Variants in PCDHA10 observed in about 807,000 individuals in gnomAD.
PCDHA10 encodes protocadherin alpha 10, also known as protocadherin alpha-10.
PCDHA10 carries 45 observed loss-of-function variants against 61.2 expected under a neutral mutation model. That is an observed-to-expected ratio of 0.74 (90% CI 0.58 to 0.94). The LOEUF is 0.94. Ranked by LOEUF, PCDHA10 falls within the 40% of genes least tolerant of loss-of-function variation. PCDHA10 has a pLI of 0.00. For missense variants in PCDHA10, 1,278 were observed against 1,236.2 expected, an observed-to-expected ratio of 1.03 and a Z score of -0.51; for synonymous variants, 602 against 548.8, an observed-to-expected ratio of 1.10 and a Z score of -1.35.
At chr5:140,917,334 G>GGGGGGGGGGGGGGT in intron 1 of PCDHA10, among the ~76,000 whole-genome samples, 1 of 147,630 alleles carries the variant, frequency 6.8e-6, no homozygotes, top group Non-Finnish European at 1.5e-5. Flanking sequence ...CGGGGGAGGG[G>GGGGGGGGGGGGGGT]GGGGATGGTG....
At chr5:140,921,621 A>G (rs1274986378) in intron 1 of PCDHA10, among the ~76,000 whole-genome samples, 1 of 152,222 alleles carries the variant, frequency 6.6e-6, no homozygotes, top group African/African-American at 2.4e-5. Context: ...ATATCATCAG[A>G]TCATCATTAT....
chr5:140,871,698 C>A, intron 1 of PCDHA10: 2 of 905,580 alleles, frequency 2.2e-6, no homozygotes, highest in Non-Finnish European at 3.2e-6. Context: ...GCTTCTTTAA[C>A]CAATAAATGT....
At chr5:140,900,079 C>T (rs1289822790) in intron 1 of PCDHA10, among the ~76,000 whole-genome samples, 11 of 152,066 alleles carry the variant, frequency 7.2e-5, no homozygotes, top group East Asian at 3.9e-4. Context: ...AAAAGTGCTG[C>T]AGTTACAAGC....
In PCDHA10 at chr5:141,009,929, G is replaced by A; in HGVS notation, c.2839G>A (p.Asp947Asn). The A allele has an allele frequency of 1.2e-6, 2 of 1,603,732 alleles. No individual in the cohort carries two copies. Among genetic ancestry groups the A allele is most frequent in the Non-Finnish European group, 1.7e-6 (2 of 1,176,576 alleles). Residue 947 changes from aspartate to asparagine, a missense_variant, in exon 4 of 4, where the codon GAC (aspartate) becomes AAC (asparagine). Transcript: ENST00000307360. ...AGGGAACAGCACGACTGACAACAGT[G>A]ACCAGTGAGGTCCTCAAATGGAAAC... is the stretch of plus-strand genomic sequence containing the variant. ...EKGNSTTDNSDQ is the reference protein window; with the variant it reads ...EKGNSTTDNSNQ
intron 2 of PCDHA10, among the ~76,000 whole-genome samples, chr5:140,979,231 C>T (rs1203154373): frequency 6.6e-6 from 1 of 152,186 alleles, no homozygotes; most frequent in Non-Finnish European, 1.5e-5. Context: ...TCTGTAAAAT[C>T]ACAGAAACAG....
intron 1 of PCDHA10, among the ~76,000 whole-genome samples, chr5:140,921,179 G>A (rs1346400425): frequency 1.3e-5 from 2 of 151,662 alleles, no homozygotes; most frequent in Non-Finnish European, 2.9e-5. Context: ...ATAAAGCACA[G>A]TTTTTTCACA....
chr5:140,877,326 G>T (rs781931363), intron 1 of PCDHA10: 1 of 1,613,964 alleles, frequency 6.2e-7, no homozygotes, highest in East Asian at 2.2e-5. Flanking sequence ...CGGTCGGCGC[G>T]CACATCCCGT....
chr5:140,894,987 T>A lies in PCDHA10; in HGVS notation c.2388+36551T>A, dbSNP rs564159529. On this transcript the variant is annotated intron_variant, in intron 1 of 3. Transcript: ENST00000307360. ...TTTTTTAATGTCTTACTTTGTGACA[T>A]CCTTTACCCTTTTTACTTGGACCTT... 3.3e-5 allele frequency among the ~76,000 whole-genome samples: 5 copies of A among 152,318 alleles called. No individual in the cohort carries two copies. In the East Asian group the frequency reaches 9.6e-4, roughly 29 times the overall value.
intron 1 of PCDHA10, chr5:140,882,970 C>A (rs111935814): frequency 1.2e-6 from 2 of 1,614,130 alleles, no homozygotes; most frequent in African/African-American, 1.3e-5. Flanking sequence ...CGATTCTGGA[C>A]GTGAATGACA....
At chr5:140,958,510 G>A (rs1476919397) in intron 1 of PCDHA10, among the ~76,000 whole-genome samples, 1 of 152,114 alleles carries the variant, frequency 6.6e-6, no homozygotes, top group Non-Finnish European at 1.5e-5. Flanking sequence ...AGGCATGGCT[G>A]TCCAATATAT....
chr5:140,882,199 G>A, intron 1 of PCDHA10: 1 of 1,526,968 alleles, frequency 6.5e-7, no homozygotes, highest in Non-Finnish European at 8.8e-7. Context: ...TAAAAATTGG[G>A]CCTTGAGAGA....
At chr5:140,976,594 T>C (rs2096724606) in intron 1 of PCDHA10, among the ~76,000 whole-genome samples, 1 of 152,146 alleles carries the variant, frequency 6.6e-6, no homozygotes, top group Non-Finnish European at 1.5e-5. Flanking sequence ...ACTTTTGTGT[T>C]AAGGGGACCT....
intron 3 of PCDHA10, among the ~76,000 whole-genome samples, chr5:140,989,748 G>A (rs868949345): frequency 1.3e-4 from 20 of 152,192 alleles, no homozygotes; most frequent in African/African-American, 4.8e-4. Context: ...GCCTAATCTG[G>A]AGAAACATAT....
chr5:140,886,945 A>T (rs2061235497), intron 1 of PCDHA10, among the ~76,000 whole-genome samples: 1 of 152,148 alleles, frequency 6.6e-6, no homozygotes, highest in Admixed American at 6.5e-5. Flanking sequence ...TGTTCTACAC[A>T]TTAGACATTT....
In PCDHA10 at chr5:141,010,806, C is replaced by T. The variant is rs1404036886; in HGVS notation, c.*869C>T. ...GCAAAAGCAAAAGAAAACCCCGACA[C>T]CTCACCTTTCGCTGTTTGTTGTTTC... On this transcript the variant is annotated 3_prime_UTR_variant, in exon 4 of 4. Transcript: ENST00000307360. 2 of 153,736 alleles carry T rather than the reference C, an allele frequency of 1.3e-5. No individual in the cohort carries two copies. Among genetic ancestry groups the T allele is most frequent in the Non-Finnish European group, 1.5e-5 (1 of 68,048 alleles). 9.5% of individuals were successfully genotyped at this position (153,736 alleles called of 1,614,324 possible).
rs34213614 is a variant in PCDHA10 at position 140,896,536 on chromosome 5, C to CTT, written c.2388+38111_2388+38112dup. ...CACACCACAAAGCCCAGCTATTTTT[C>CTT]TTTTTTTTTTTTGTATTTTAAGTAG... On this transcript the variant is annotated intron_variant, in intron 1 of 3. Coordinates refer to ENST00000307360, the MANE Select transcript of PCDHA10 (RefSeq NM_018901.4). 2.9e-3 allele frequency among the ~76,000 whole-genome samples: 427 copies of CTT among 145,644 alleles called. 4 individuals are homozygous for CTT. Among genetic ancestry groups the CTT allele is most frequent in the African/African-American group, 7.7e-3 (305 of 39,602 alleles).
intron 1 of PCDHA10, among the ~76,000 whole-genome samples, chr5:140,900,156 T>G (rs1219079675): frequency 3.3e-5 from 5 of 152,180 alleles, no homozygotes; most frequent in African/African-American, 1.2e-4. Flanking sequence ...CATACGATAT[T>G]TGTCTTTCTG....
At chr5:140,933,618 G>T (rs2089270614) in intron 1 of PCDHA10, among the ~76,000 whole-genome samples, 1 of 151,904 alleles carries the variant, frequency 6.6e-6, no homozygotes, top group African/African-American at 2.4e-5. Flanking sequence ...TTCTTATTAG[G>T]TTAGGCTGGC....
At chr5:140,884,071 G>C (rs1425122045) in intron 1 of PCDHA10, 7 of 1,613,400 alleles carry the variant, frequency 4.3e-6, no homozygotes, top group African/African-American at 2.7e-5. Context: ...ACGCCGATTC[G>C]GGCTACAATG....
Sources: allele counts gnomAD v4.1 joint callset (sites outside exome capture counted in the v4.1 genomes callset), GRCh38; gene constraint gnomAD v4.1.1; transcripts MANE v1.5; gene names NCBI Gene and HGNC (gene_info 2026-07-23, HGNC 2026-07-21).